ARHGEF26: variants seen among roughly 807,000 people sequenced by gnomAD.
ARHGEF26 encodes the protein Rho guanine nucleotide exchange factor (GEF) 26.
Under a neutral mutation model 89.4 loss-of-function variants are expected in ARHGEF26, and 59 were observed. The observed-to-expected ratio is 0.66, with a 90% confidence interval of 0.54 to 0.82. ARHGEF26 has a LOEUF of 0.82. Among genes scored for constraint, ARHGEF26 ranks in the 40% least tolerant of loss-of-function variants. The pLI, the probability that ARHGEF26 is intolerant of heterozygous loss-of-function variation, is 0.00. For synonymous variants in ARHGEF26, 500 were observed against 428.4 expected (o/e 1.17, Z -2.06); for missense variants, 1,234 against 1,085.6 (o/e 1.14, Z -1.92).
chr3:154,255,730 C>T lies in ARHGEF26; in HGVS notation c.*257C>T, dbSNP rs1718457780. ...CACAGAATAGCTGAGCAGTTCACTT[C>T]AGGGATCAGGTCATCTCTGCTCCTC... On this transcript the variant is annotated 3_prime_UTR_variant, in exon 15 of 15. Transcript: ENST00000465093. 3 of 1,274,040 alleles carry T rather than the reference C, an allele frequency of 2.4e-6. No homozygotes were observed. The highest frequency in any genetic ancestry group is 3.0e-5 in the African/African-American group (2 of 66,072). The allele number at this position is 1,274,040 out of a possible 1,614,324, so 78.9% of individuals were successfully genotyped here. A position where few individuals can be genotyped will look rare whatever the true frequency, so the allele number is the denominator to read the frequency against.
At chr3:154,194,755 A>C in intron 9 of ARHGEF26, 37 bp downstream of exon 9, 2 of 1,555,246 alleles carry the variant, frequency 1.3e-6, no homozygotes, top group Admixed American at 1.7e-5. Context: ...TAAGACAGGA[A>C]ACCATTCAGT....
In ARHGEF26 at chr3:154,255,577, A is replaced by C; in HGVS notation, c.*104A>C. The C allele has an allele frequency of 6.8e-7, 1 of 1,476,224 alleles. No homozygotes were observed. Among genetic ancestry groups the C allele is most frequent in the South Asian group, 1.4e-5 (1 of 69,336 alleles). 91.4% of individuals were successfully genotyped at this position (1,476,224 alleles called of 1,614,324 possible). Reference sequence around the variant, plus strand: ...TAATTTTGTCACAGCCTATTTAATTAAAAGAACGAAAACACTTGCCTTTAA... The same window carrying C: ...TAATTTTGTCACAGCCTATTTAATTCAAAGAACGAAAACACTTGCCTTTAA... On this transcript the variant is annotated 3_prime_UTR_variant, in exon 15 of 15. Transcript: ENST00000465093.
chr3:154,166,206 A>T (rs569218709), intron 6 of ARHGEF26, among the ~76,000 whole-genome samples: 1 of 152,062 alleles, frequency 6.6e-6, no homozygotes, highest in East Asian at 1.9e-4. Context: ...ACATGCCACC[A>T]TGCCTGGCTA....
At chr3:154,201,095 T>TGCACCCATTA (rs1171139281) in intron 9 of ARHGEF26, among the ~76,000 whole-genome samples, 1 of 152,138 alleles carries the variant, frequency 6.6e-6, no homozygotes, top group Non-Finnish European at 1.5e-5. Context: ...GTTGGTGTGC[T>TGCACCCATTA]GCACCCATTA....
chr3:154,128,409 T>C (rs1718465356), intron 3 of ARHGEF26, among the ~76,000 whole-genome samples: 1 of 152,044 alleles, frequency 6.6e-6, no homozygotes, highest in Non-Finnish European at 1.5e-5. Context: ...GGCTAATTTG[T>C]TGTATTTTTG....
intron 9 of ARHGEF26, among the ~76,000 whole-genome samples, chr3:154,197,608 G>T (rs910261154): frequency 7.2e-5 from 11 of 152,158 alleles, no homozygotes; most frequent in African/African-American, 2.7e-4. Flanking sequence ...CAGTTTATTT[G>T]CAAGATGCGA....
chr3:154,136,031 G>C (rs1330606905), intron 4 of ARHGEF26, among the ~76,000 whole-genome samples: 1 of 152,072 alleles, frequency 6.6e-6, no homozygotes, highest in Non-Finnish European at 1.5e-5. Flanking sequence ...CCATCACCTT[G>C]AAATGCCAGA....
At chr3:154,178,674 A>G (rs1226830924) in intron 6 of ARHGEF26, among the ~76,000 whole-genome samples, 1 of 152,156 alleles carries the variant, frequency 6.6e-6, no homozygotes, top group East Asian at 1.9e-4. Context: ...ATTTTAAATT[A>G]TGCTGCTATG....
chr3:154,148,214 A>G (rs779492745), intron 4 of ARHGEF26, among the ~76,000 whole-genome samples: 11 of 152,240 alleles, frequency 7.2e-5, no homozygotes, highest in Non-Finnish European at 1.5e-4. Context: ...ATACCTTAGA[A>G]GAAACTTTCA....
intron 4 of ARHGEF26, among the ~76,000 whole-genome samples, chr3:154,137,531 G>A (rs1719085793): frequency 6.6e-6 from 1 of 152,200 alleles, no homozygotes; most frequent in Non-Finnish European, 1.5e-5. Context: ...CTAGCTAAGA[G>A]AGATAAAGGT....
chr3:154,250,347 C>A (rs893220561), intron 12 of ARHGEF26, among the ~76,000 whole-genome samples: 4 of 152,056 alleles, frequency 2.6e-5, no homozygotes. Context: ...CTCTTGAAAG[C>A]CCCAGGGGAA....
chr3:154,166,551 G>C (rs181336560), intron 6 of ARHGEF26, among the ~76,000 whole-genome samples: 1 of 152,322 alleles, frequency 6.6e-6, no homozygotes, highest in Admixed American at 6.5e-5. Flanking sequence ...AGGGAAACAT[G>C]ACATAATATT....
intron 9 of ARHGEF26, among the ~76,000 whole-genome samples, chr3:154,202,808 T>C (rs1051108850): frequency 1.1e-4 from 13 of 113,080 alleles, no homozygotes; most frequent in Non-Finnish European, 2.2e-4. Flanking sequence ...CTGTCTGTTA[T>C]TGGTGTATAA....
rs371024652 is a variant in ARHGEF26, at chr3:154,187,834, T to A, written c.1637T>A (p.Leu546Ter). 1.3e-5 allele frequency: 21 copies of A among 1,607,266 alleles called. No individual in the cohort carries two copies. The African/African-American group carries it at 2.0e-4, about 15-fold the overall frequency. Residue 546 changes from leucine (L) to a stop codon, truncating the protein, a stop_gained, in exon 7 of 15, where the codon TTG becomes TAG. Transcript: ENST00000465093. LOFTEE classifies it high-confidence loss of function. ...EVYQQRTLQK[L>*]LATNPSFKEV... ...TACCAACAACGAACACTACAAAAAT[T>A]GTTGTAAGCAATGTCGAATGCTACA...
At chr3:154,217,561 C>T (rs1715844679) in intron 9 of ARHGEF26, among the ~76,000 whole-genome samples, 1 of 152,170 alleles carries the variant, frequency 6.6e-6, no homozygotes, top group Non-Finnish European at 1.5e-5. Context: ...ATGCTTTACA[C>T]AGCACTCTGC....
At chr3:154,245,628 A>C (rs1327567278) in intron 12 of ARHGEF26, among the ~76,000 whole-genome samples, 1 of 152,152 alleles carries the variant, frequency 6.6e-6, no homozygotes, top group East Asian at 1.9e-4. Flanking sequence ...GAGAATGCCC[A>C]GTGCTCGCTG....
At chr3:154,143,561 TTAAG>T (rs1719515899) in intron 4 of ARHGEF26, among the ~76,000 whole-genome samples, 1 of 152,178 alleles carries the variant, frequency 6.6e-6, no homozygotes, top group Admixed American at 6.5e-5. Context: ...TTAAGGCTGA[TTAAG>T]TTTTTTAAAA....
intron 11 of ARHGEF26, among the ~76,000 whole-genome samples, chr3:154,239,281 AGAGAGAGAGAGAGAGAGAGTGTGTGT>A (rs1717321120): frequency 9.7e-6 from 1 of 103,382 alleles, no homozygotes; most frequent in African/African-American, 3.8e-5. Context: ...AGAGAGAGAG[AGAGAGAGAGAGAGAGAGAGTGTGTGT>A]GTGTGTGTGT....
intron 11 of ARHGEF26, among the ~76,000 whole-genome samples, chr3:154,232,128 G>A (rs1039471453): frequency 1.3e-5 from 2 of 152,096 alleles, no homozygotes; most frequent in Non-Finnish European, 2.9e-5. Context: ...CAGGGAGAGA[G>A]CTTCAGAAAG....
Sources: allele counts gnomAD v4.1 joint callset (sites outside exome capture counted in the v4.1 genomes callset), GRCh38; gene constraint gnomAD v4.1.1; transcripts MANE v1.5; gene names NCBI Gene and HGNC (gene_info 2026-07-23, HGNC 2026-07-21).